Variants in R3HDM1 observed in about 807,000 individuals in gnomAD.
The protein encoded by R3HDM1 is R3H domain-containing protein 1.
R3HDM1 carries 46 observed loss-of-function variants against 141.1 expected under a neutral mutation model. That is an observed-to-expected ratio of 0.33 (90% CI 0.26 to 0.42). R3HDM1 has a LOEUF of 0.42. R3HDM1 is among the 10% of genes least tolerant of loss of function. The probability of loss-of-function intolerance (pLI) is 1.00; values close to 1 mark genes in which losing one functional copy is unlikely to be tolerated. For missense variants in R3HDM1, 1,184 were observed against 1,368.3 expected (o/e 0.87, Z 2.12); for synonymous variants, 435 against 472.9 (o/e 0.92, Z 1.04).
At chr2:135,566,919 C>A in intron 1 of R3HDM1, 1 of 193,404 alleles carries the variant, frequency 5.2e-6, no homozygotes, top group Non-Finnish European at 9.4e-6. Flanking sequence ...TTGCACTGAG[C>A]CGAGTACTGC....
intron 21 of R3HDM1, among the ~76,000 whole-genome samples, chr2:135,691,285 A>G (rs57281198): frequency 0.12 from 18,300 of 152,196 alleles, 2,770 homozygotes; most frequent in African/African-American, 0.36. Flanking sequence ...ATTTTTTAAC[A>G]TTTTATTTTA....
At chr2:135,547,720 G>T (rs528358203) in intron 1 of R3HDM1, among the ~76,000 whole-genome samples, 2 of 150,148 alleles carry the variant, frequency 1.3e-5, no homozygotes, top group African/African-American at 4.9e-5. Context: ...GGTTGCTTAG[G>T]AAATAAACCT....
chr2:135,673,296 T>A (rs313522), intron 19 of R3HDM1, among the ~76,000 whole-genome samples: 74,653 of 151,964 alleles, frequency 0.49, 23,043 homozygotes, highest in East Asian at 0.88. Flanking sequence ...AAGAAGTTAT[T>A]ATTCCAGTCT....
At chr2:135,551,486 G>GAA (rs57078486) in intron 1 of R3HDM1, among the ~76,000 whole-genome samples, 5 of 148,512 alleles carry the variant, frequency 3.4e-5, no homozygotes, top group Non-Finnish European at 6.0e-5. Context: ...AAACAATAAT[G>GAA]AAAAAAAAAC....
intron 14 of R3HDM1, 148 bp downstream of exon 14, chr2:135,639,270 G>A: frequency 1.5e-6 from 1 of 673,928 alleles, no homozygotes. Context: ...CACTTAAGGG[G>A]TAATATGTTT....
chr2:135,564,402 C>A (rs1371438334), intron 1 of R3HDM1, among the ~76,000 whole-genome samples: 2 of 152,212 alleles, frequency 1.3e-5, no homozygotes, highest in Non-Finnish European at 2.9e-5. Flanking sequence ...TCACTGCAAC[C>A]TCCGCCTCCC....
intron 3 of R3HDM1, among the ~76,000 whole-genome samples, chr2:135,608,731 C>T (rs746268505): frequency 6.6e-6 from 1 of 152,138 alleles, no homozygotes; most frequent in African/African-American, 2.4e-5. Flanking sequence ...GTTTTTCACT[C>T]ATAAGTTTGG....
chr2:135,619,201 T>C (rs1014420974), intron 5 of R3HDM1, among the ~76,000 whole-genome samples: 2 of 152,102 alleles, frequency 1.3e-5, no homozygotes, highest in Non-Finnish European at 2.9e-5. Context: ...GAAAGAAGGG[T>C]CAGGCATTCA....
At chr2:135,692,060 C>T (rs1575055757) in intron 21 of R3HDM1, among the ~76,000 whole-genome samples, 2 of 151,926 alleles carry the variant, frequency 1.3e-5, no homozygotes, top group Non-Finnish European at 2.9e-5. Flanking sequence ...TTACAGGCTG[C>T]CGCCACCACA....
rs149185197 is a variant in R3HDM1 at position 135,643,290 on chromosome 2, T to C, written c.1474+1500T>C. Among the ~76,000 whole-genome samples, 210 of 152,294 alleles carry C rather than the reference T, an allele frequency of 1.4e-3. 1 individual carries two copies. Among genetic ancestry groups the C allele is most frequent in the African/African-American group, 4.9e-3 (202 of 41,580 alleles). ...ACTTGTTTTTAGTTATCTATAACTG[T>C]CACACAAATTATCAGTATACTAATT... is the stretch of plus-strand genomic sequence containing the variant. On this transcript the variant is annotated intron_variant, in intron 15 of 26. Coordinates refer to ENST00000683871, the MANE Select transcript of R3HDM1 (RefSeq NM_001378107.1).
chr2:135,568,030 G>A (rs1302440048), intron 1 of R3HDM1, among the ~76,000 whole-genome samples: 1 of 150,734 alleles, frequency 6.6e-6, no homozygotes, highest in Non-Finnish European at 1.5e-5. Context: ...GGGATTACAG[G>A]CCTGAGCCAC....
At chr2:135,586,131 C>T (rs964128043) in intron 1 of R3HDM1, 1 of 152,134 alleles carries the variant, frequency 6.6e-6, no homozygotes, top group Non-Finnish European at 1.5e-5. Context: ...TGTTGTGCAA[C>T]AATATTTTAA....
chr2:135,534,213 G>A (rs1695548815), intron 1 of R3HDM1, among the ~76,000 whole-genome samples: 1 of 152,200 alleles, frequency 6.6e-6, no homozygotes, highest in African/African-American at 2.4e-5. Context: ...ACTCCATGTA[G>A]TGGTTAACTA....
In R3HDM1 at chr2:135,616,186, G is replaced by A. The variant is rs2061001814; in HGVS notation, c.206G>A (p.Arg69Lys). 2 of 1,612,170 alleles carry A rather than the reference G, an allele frequency of 1.2e-6. No individual in the cohort carries two copies. The highest frequency in any genetic ancestry group is 4.5e-5 in the East Asian group (2 of 44,844). Residue 69 changes from arginine (R) to lysine (K), a missense_variant, in exon 4 of 27, where the codon AGG becomes AAG. Around this residue, in one of 5 missense-constraint regions of R3HDM1, gnomAD observed 192 missense variants for 215.7 expected, o/e 0.89. Transcript: ENST00000683871. ...PLQSFGQTGK[R>K]SKSSSKLKLV... ...CAGTCATTTGGACAGACAGGAAAAA[G>A]GTCTAAGGTATAGTAAATATTTTGG...
At chr2:135,550,507 A>G (rs767826345) in intron 1 of R3HDM1, among the ~76,000 whole-genome samples, 13 of 152,140 alleles carry the variant, frequency 8.5e-5, no homozygotes, top group Non-Finnish European at 1.8e-4. Context: ...ATCTTTTCTC[A>G]TGTCATTTTT....
chr2:135,671,140 A>T (rs1281600774), intron 19 of R3HDM1, among the ~76,000 whole-genome samples: 1 of 150,512 alleles, frequency 6.6e-6, no homozygotes, highest in Admixed American at 6.7e-5. Flanking sequence ...CTAGATATAA[A>T]GTTAAACAGT....
In R3HDM1 at chr2:135,622,027, A is replaced by C. The variant is rs1475940647; in HGVS notation, c.418+419A>C. Reference sequence around the variant, plus strand: ...TTTTTTATAAGTTTGGAGGGTCTTCACTATTACCTAGCATTGCAGATCAAT... The same window carrying C: ...TTTTTTATAAGTTTGGAGGGTCTTCCCTATTACCTAGCATTGCAGATCAAT... On this transcript the variant is annotated intron_variant, in intron 6 of 26. Transcript: ENST00000683871. The C allele has an allele frequency of 1.5e-5, 15 of 984,372 alleles. No homozygotes were observed. The Admixed American group carries it at 5.5e-4, about 36-fold the overall frequency. The allele number at this position is 984,372 out of a possible 1,614,324, so 61.0% of individuals were successfully genotyped here. A position where few individuals can be genotyped will look rare whatever the true frequency, so the allele number is the denominator to read the frequency against.
intron 21 of R3HDM1, among the ~76,000 whole-genome samples, chr2:135,691,572 C>T (rs944421822): frequency 5.3e-5 from 8 of 151,976 alleles, no homozygotes; most frequent in Non-Finnish European, 1.2e-4. Flanking sequence ...AACCACTTCA[C>T]TCCAACAGAG....
chr2:135,632,103 CTAAT>C (rs1461043604), intron 9 of R3HDM1, 102 bp downstream of exon 9: 20 of 1,027,694 alleles, frequency 1.9e-5, no homozygotes, highest in South Asian at 8.5e-5. Context: ...TTTTAACAGT[CTAAT>C]TAAGTTTTAT....
Sources: gnomAD v4.1 joint callset for allele counts (sites outside exome capture counted in the v4.1 genomes callset) on GRCh38, gnomAD v4.1.1 for gene constraint, gnomAD v4.1.1 regional missense constraint, MANE v1.5 for transcripts, NCBI Gene and HGNC (gene_info 2026-07-23, HGNC 2026-07-21) for gene names.